The following UTP14A variants were observed in gnomAD, a reference collection of about 807,000 sequenced individuals.
UTP14A encodes the protein U3 small nucleolar RNA-associated protein 14 homolog A.
UTP14A carries 5 observed loss-of-function variants against 57.2 expected under a neutral mutation model. The observed-to-expected ratio is 0.09, with a 90% confidence interval of 0.05 to 0.18. The LOEUF (loss-of-function observed/expected upper bound fraction) is 0.18. Ranked by LOEUF, UTP14A falls within the 10% of genes least tolerant of loss-of-function variation. UTP14A has a pLI of 1.00. For synonymous variants in UTP14A, 169 were observed against 210.9 expected, an observed-to-expected ratio of 0.80 and a Z score of 1.72; for missense variants, 430 against 562.1, an observed-to-expected ratio of 0.76 and a Z score of 2.38.
At chrX:129,907,951 G>A (rs923106902) in intron 2 of UTP14A, 109 bp from the exon 3 acceptor site, 17 of 706,788 alleles carry the variant, frequency 2.4e-5, no homozygotes, top group African/African-American at 6.7e-5. Flanking sequence ...GCGAGACGCC[G>A]TCTCAAAAAT....
chrX:129,911,688 C>T, intron 5 of UTP14A, 78 bp from the exon 6 acceptor site: 3 of 1,119,335 alleles, frequency 2.7e-6, no homozygotes, highest in Non-Finnish European at 3.6e-6. Context: ...AATGTTGCTT[C>T]CTAATTTCTT....
At chrX:129,916,507 TC>T (rs1929700137) in intron 6 of UTP14A, among the ~76,000 whole-genome samples, 1 of 111,612 alleles carries the variant, frequency 9.0e-6, no homozygotes, top group African/African-American at 3.3e-5. Context: ...CTTCACTGTC[TC>T]CCTCTCCGCC....
At chrX:129,906,363 C>G (rs1212507157) in intron 1 of UTP14A, 127 bp downstream of exon 1, 33 of 662,719 alleles carry the variant, frequency 5.0e-5, no homozygotes, top group Non-Finnish European at 7.7e-5. Flanking sequence ...GCCATTCGTT[C>G]CTATTTTCCG....
At chrX:129,912,621 A>G (rs1057286409) in intron 6 of UTP14A, among the ~76,000 whole-genome samples, 2 of 111,321 alleles carry the variant, frequency 1.8e-5, no homozygotes, top group Non-Finnish European at 3.8e-5. Flanking sequence ...CTTAGTGAGG[A>G]TATGTGAACA....
chrX:129,906,249 G>A lies in UTP14A; in HGVS notation c.26+13G>A, dbSNP rs1018959125. ...GGCTTGCAGAGAGGTGAAGGGCAAC[G>A]AGGGGAGGGGGGATTCTGGGTCTCG... On this transcript the variant is annotated intron_variant, in intron 1 of 14. Coordinates refer to ENST00000394422, the MANE Select transcript of UTP14A (RefSeq NM_006649.4). 2 of 1,196,731 alleles carry A rather than the reference G, an allele frequency of 1.7e-6. No individual in the cohort carries two copies. Among genetic ancestry groups the A allele is most frequent in the African/African-American group, 3.5e-5 (2 of 56,349 alleles).
At chrX:129,913,814 C>T (rs1163160715) in intron 6 of UTP14A, among the ~76,000 whole-genome samples, 5 of 110,617 alleles carry the variant, frequency 4.5e-5, no homozygotes, top group African/African-American at 9.9e-5. Flanking sequence ...AACCCCATCT[C>T]TACTAAAAAT....
rs1185409074 is a variant in UTP14A, at chrX:129,906,187, A to G, written c.-24A>G. 3 of 1,208,569 alleles carry G rather than the reference A, an allele frequency of 2.5e-6. No homozygotes were observed. Among genetic ancestry groups the G allele is most frequent in the Admixed American group, 4.4e-5 (2 of 45,680 alleles). On this transcript the variant is annotated 5_prime_UTR_variant, in exon 1 of 15. It removes an upstream start codon present in the reference 5' UTR. Coordinates refer to ENST00000394422, the MANE Select transcript of UTP14A (RefSeq NM_006649.4). The stretch of plus-strand genomic sequence containing the variant: ...TTCCTTCGGCTTCCGTTCTTGGTCC[A>G]TGTGAGAGAAGCTGGCTGCTGAAAT...
chrX:129,927,212 T>C (rs1930137929), intron 14 of UTP14A, among the ~76,000 whole-genome samples: 2 of 110,679 alleles, frequency 1.8e-5, no homozygotes, highest in African/African-American at 6.6e-5. Flanking sequence ...GACAAATAGT[T>C]TTCTAGGAAT....
intron 6 of UTP14A, among the ~76,000 whole-genome samples, chrX:129,913,987 T>G (rs943688492): frequency 4.5e-5 from 5 of 110,611 alleles, no homozygotes; most frequent in Non-Finnish European, 9.5e-5. Context: ...TCTCAAAATA[T>G]ATATATAAAT....
At chrX:129,909,477 G>A (rs1251780119) in intron 4 of UTP14A, among the ~76,000 whole-genome samples, 1 of 111,275 alleles carries the variant, frequency 9.0e-6, no homozygotes, top group Non-Finnish European at 1.9e-5. Context: ...TCAAAGTGCT[G>A]GGATTACAGG....
At chrX:129,922,746 G>A (rs753058687) in intron 11 of UTP14A, 1 of 107,978 alleles carries the variant, frequency 9.3e-6, no homozygotes, top group South Asian at 3.9e-4. Context: ...TTTTTTTCAG[G>A]TTTCCACATA....
intron 6 of UTP14A, among the ~76,000 whole-genome samples, chrX:129,917,434 G>A (rs923232957): frequency 4.5e-5 from 5 of 111,968 alleles, no homozygotes; most frequent in Non-Finnish European, 7.5e-5. Context: ...TGTGTGTGAG[G>A]TTTGAAACTA....
intron 4 of UTP14A, among the ~76,000 whole-genome samples, 185 bp from the exon 5 acceptor site, chrX:129,910,823 G>A (rs185611677): frequency 3.6e-4 from 41 of 112,874 alleles, no homozygotes; most frequent in Non-Finnish European, 5.2e-4. Flanking sequence ...TAACACGTTT[G>A]GGGATGAATG....
Position 129,929,515 on chromosome X carries a change from T to C in UTP14A, c.2223T>C (p.Ser741=). The C allele has an allele frequency of 4.1e-6, 5 of 1,211,699 alleles. No individual in the cohort carries two copies. Among genetic ancestry groups the C allele is most frequent in the Non-Finnish European group, 5.6e-6 (5 of 895,521 alleles). Residue 741 remains serine, a synonymous_variant, in exon 15 of 15, where the codon TCT becomes TCC. Transcript: ENST00000394422. ...AAGCAGAAGACGTGGGCTACCGGTC[T>C]TCCTCAAGGTCGGACCTGTCTGTCA... is the stretch of plus-strand genomic sequence containing the variant. ...PIKAEDVGYR[S]SSRSDLSVIQ...
At chrX:129,908,807 C>T (rs1053947408) in intron 4 of UTP14A, 73 bp downstream of exon 4, 7 of 983,636 alleles carry the variant, frequency 7.1e-6, no homozygotes, top group African/African-American at 1.9e-5. Context: ...CACCTCACCC[C>T]CCCTAGGAAC....
rs766671327 is a variant in UTP14A at position 129,911,934 on chromosome X, A to C, written c.537+13A>C. 5 of 1,203,674 alleles carry C rather than the reference A, an allele frequency of 4.2e-6. No individual in the cohort carries two copies. Among genetic ancestry groups the C allele is most frequent in the Non-Finnish European group, 4.5e-6 (4 of 891,361 alleles). The stretch of plus-strand genomic sequence containing the variant: ...CAGTGGCTGGAAGGTGAGTACAACA[A>C]AATGAAACTGAAAGGTGAGATTTTA... On this transcript the variant is annotated intron_variant, in intron 6 of 14. Coordinates refer to ENST00000394422, the MANE Select transcript of UTP14A (RefSeq NM_006649.4).
At chrX:129,913,466 G>A (rs777912398) in intron 6 of UTP14A, 13 of 327,744 alleles carry the variant, frequency 4.0e-5, no homozygotes, top group African/African-American at 1.6e-4. Flanking sequence ...GATTCCACCC[G>A]TGCCCCATCT....
At chrX:129,910,277 G>A (rs1213186015) in intron 4 of UTP14A, among the ~76,000 whole-genome samples, 2 of 111,820 alleles carry the variant, frequency 1.8e-5, no homozygotes, top group Non-Finnish European at 3.8e-5. Context: ...GAGGCAGATG[G>A]GGATTAGATC....
chrX:129,907,234 A>G, intron 1 of UTP14A, 133 bp from the exon 2 acceptor site: 1 of 488,556 alleles, frequency 2.0e-6, no homozygotes, highest in East Asian at 3.9e-5. Context: ...GATTGTTTTA[A>G]TAGATTAGAC....
Sources: allele counts gnomAD v4.1 joint callset (sites outside exome capture counted in the v4.1 genomes callset), GRCh38; gene constraint gnomAD v4.1.1; transcripts MANE v1.5; gene names NCBI Gene and HGNC (gene_info 2026-07-23, HGNC 2026-07-21).